The following SLC35F5 variants were observed in gnomAD, a reference collection of about 807,000 sequenced individuals.
SLC35F5 encodes solute carrier family 35 member F5, also known as HCV NS5A-transactivated protein 3.
In SLC35F5, 54 loss-of-function variants were observed where a neutral mutation model predicts 68.6. That is an observed-to-expected ratio of 0.79 (90% CI 0.63 to 0.99). The LOEUF (loss-of-function observed/expected upper bound fraction) is 0.99. SLC35F5 is among the 50% of genes least tolerant of loss of function. The probability of loss-of-function intolerance (pLI) is 0.00; values close to 1 mark genes in which losing one functional copy is unlikely to be tolerated. For missense variants in SLC35F5, 567 were observed against 626.9 expected (o/e 0.90, Z 1.02); for synonymous variants, 211 against 205.2 (o/e 1.03, Z -0.24).
At chr2:113,746,570 C>T (rs1676493557) in intron 4 of SLC35F5, among the ~76,000 whole-genome samples, 1 of 152,082 alleles carries the variant, frequency 6.6e-6, no homozygotes, top group African/African-American at 2.4e-5. Flanking sequence ...TCCTGACAGT[C>T]AGGATTAAAA....
intron 3 of SLC35F5, among the ~76,000 whole-genome samples, chr2:113,752,986 C>T (rs953210915): frequency 2.5e-4 from 38 of 151,756 alleles, no homozygotes; most frequent in Non-Finnish European, 2.9e-5. Context: ...TAAAATGCTC[C>T]AGGAAAAAAA....
chr2:113,729,343 C>A, intron 11 of SLC35F5, 58 bp downstream of exon 11: 4 of 904,572 alleles, frequency 4.4e-6, no homozygotes, highest in South Asian at 3.2e-5. Context: ...AAAACAAAAG[C>A]AAAACCCTGT....
In SLC35F5 at chr2:113,741,698, T is replaced by TC. The variant is rs201668517; in HGVS notation, c.750+993_750+994insG. Among the ~76,000 whole-genome samples the TC allele has an allele frequency of 5.0e-4, 46 of 91,954 alleles. 2 individuals are homozygous for TC. The highest frequency in any genetic ancestry group is 5.1e-4 in the Non-Finnish European group (23 of 45,080). The allele number at this position is 91,954 out of a possible 152,430, so 60.3% of individuals were successfully genotyped here. On this transcript the variant is annotated intron_variant, in intron 7 of 15. Coordinates refer to ENST00000245680, the MANE Select transcript of SLC35F5 (RefSeq NM_025181.5). ...CCTGGGCAACAAGAGCGAAACTCCATTAAAAAAAAAAAAAAAGATCGAAAT... is the reference window on the plus strand; with the variant it reads ...CCTGGGCAACAAGAGCGAAACTCCATCTAAAAAAAAAAAAAAAGATCGAAAT...
intron 13 of SLC35F5, chr2:113,719,687 C>T (rs1037678448): frequency 6.3e-6 from 1 of 158,966 alleles, no homozygotes; most frequent in Non-Finnish European, 1.4e-5. Flanking sequence ...GTGGGTCTCT[C>T]TCCCTCAGTT....
chr2:113,724,935 AAAC>A (rs1186334156), intron 12 of SLC35F5, among the ~76,000 whole-genome samples: 2 of 152,184 alleles, frequency 1.3e-5, no homozygotes. Flanking sequence ...AAAATAAATA[AAAC>A]AAAAACACCT....
At position 113,756,525 on chromosome 2, in the gene SLC35F5, G is replaced by T. The variant is rs913529099; in HGVS notation, c.-116C>A. On this transcript the variant is annotated 5_prime_UTR_variant, in exon 1 of 16. Transcript: ENST00000245680. The stretch of plus-strand genomic sequence containing the variant: ...CTGGAGGCCCAGCTCCTGAAGACGC[G>T]GTGCCCCTCAGGGAGAGGCTCCCGA... 1 of 1,497,576 alleles carries T rather than the reference G, an allele frequency of 6.7e-7. No individual in the cohort carries two copies. The highest frequency in any genetic ancestry group is 2.5e-5 in the East Asian group (1 of 40,294). 92.8% of individuals were successfully genotyped at this position (1,497,576 alleles called of 1,614,324 possible).
chr2:113,752,781 G>A (rs775453434), intron 3 of SLC35F5, among the ~76,000 whole-genome samples: 6 of 151,956 alleles, frequency 3.9e-5, no homozygotes, highest in Admixed American at 6.6e-5. Context: ...TGACACCACC[G>A]GAGAAAACTG....
In SLC35F5 at chr2:113,714,325, A is replaced by C. The variant is rs1193997111; in HGVS notation, c.*893T>G. 6.6e-6 allele frequency: 1 copy of C among 152,114 alleles called. No homozygotes were observed. Among genetic ancestry groups the C allele is most frequent in the Non-Finnish European group, 1.5e-5 (1 of 67,964 alleles). The allele number at this position is 152,114 out of a possible 1,614,324, so 9.4% of individuals were successfully genotyped here. A position where few individuals can be genotyped will look rare whatever the true frequency, so the allele number is the denominator to read the frequency against. Reference sequence around the variant, plus strand: ...CATTCATATGTGAAAAAAATTAGAAATCACTTGATACATCTACAATACACA... The same window carrying C: ...CATTCATATGTGAAAAAAATTAGAACTCACTTGATACATCTACAATACACA... On this transcript the variant is annotated 3_prime_UTR_variant, in exon 16 of 16. Transcript: ENST00000245680.
chr2:113,733,538 A>G (rs17683666), intron 9 of SLC35F5: 45,816 of 195,136 alleles, frequency 0.23, 5,972 homozygotes, highest in Middle Eastern at 0.49. Context: ...AACATTAGTA[A>G]ATCATGTAAA....
chr2:113,747,843 G>A (rs1263966591), intron 4 of SLC35F5, among the ~76,000 whole-genome samples: 2 of 152,230 alleles, frequency 1.3e-5, no homozygotes, highest in Non-Finnish European at 2.9e-5. Flanking sequence ...TGTAATCCCA[G>A]CACTCTGGGA....
rs1687515367 is a variant in SLC35F5 at position 113,723,138 on chromosome 2, G to A, written c.1307C>T (p.Pro436Leu). ...IGTLALSLTI[P>L]LSIIADMCMQ... ...ACACATGTCAGCTATTATGGACAGA[G>A]GTATTGTAAGGCTTAGTGCAAGTGT... Residue 436 changes from proline (P) to leucine (L), a missense_variant, in exon 13 of 16, where the codon CCT becomes CTT. Transcript: ENST00000245680. 1 of 1,589,762 alleles carries A rather than the reference G, an allele frequency of 6.3e-7. No individual in the cohort carries two copies. The highest frequency in any genetic ancestry group is 1.2e-5 in the South Asian group (1 of 84,826).
intron 11 of SLC35F5, among the ~76,000 whole-genome samples, chr2:113,727,544 A>G (rs1687711126): frequency 6.6e-6 from 1 of 152,156 alleles, no homozygotes; most frequent in South Asian, 2.1e-4. Context: ...TAGAGACAAA[A>G]GTCCCAATGA....
chr2:113,744,120 T>C (rs75747524), intron 5 of SLC35F5, among the ~76,000 whole-genome samples: 3,585 of 152,318 alleles, frequency 0.024, 69 homozygotes, highest in Middle Eastern at 0.044. Context: ...TCATTCCTTT[T>C]CATTCATTTA....
At chr2:113,717,483 C>T (rs976627253) in intron 15 of SLC35F5, 1 of 228,042 alleles carries the variant, frequency 4.4e-6, no homozygotes, top group Admixed American at 5.4e-5. Flanking sequence ...TTTATATTTA[C>T]CAAGTATTTA....
At chr2:113,737,106 C>CA in intron 7 of SLC35F5, among the ~76,000 whole-genome samples, 1 of 152,184 alleles carries the variant, frequency 6.6e-6, no homozygotes, top group Non-Finnish European at 1.5e-5. Flanking sequence ...CTGTTACTTA[C>CA]ACTGGTTGAC....
At chr2:113,716,028 C>T (rs1485175874) in intron 15 of SLC35F5, among the ~76,000 whole-genome samples, 2 of 152,138 alleles carry the variant, frequency 1.3e-5, no homozygotes, top group South Asian at 2.1e-4. Flanking sequence ...GTTATCCTCC[C>T]TCCTTGGCCT....
Position 113,710,516 on chromosome 2 carries a change from G to C in SLC35F5, c.*4702C>G, listed in dbSNP as rs1265456998. On this transcript the variant is annotated 3_prime_UTR_variant, in exon 16 of 16. Coordinates refer to ENST00000245680, the MANE Select transcript of SLC35F5 (RefSeq NM_025181.5). ...AGGCCAGGGCGGGCAGATTACTTGAGCTCAGGAGTTCAAGAGCAGCCTGGC... is the reference window on the plus strand; with the variant it reads ...AGGCCAGGGCGGGCAGATTACTTGACCTCAGGAGTTCAAGAGCAGCCTGGC... Among the ~76,000 whole-genome samples the C allele has an allele frequency of 2.6e-5, 4 of 152,148 alleles. No individual in the cohort carries two copies. The highest frequency in any genetic ancestry group is 9.7e-5 in the African/African-American group (4 of 41,426).
At chr2:113,704,765 C>T (rs1376136401), downstream of SLC35F5, among the ~76,000 whole-genome samples, 2 of 152,116 alleles carry the variant, frequency 1.3e-5, no homozygotes, top group African/African-American at 2.4e-5. Context: ...GCGCGCAGCC[C>T]CTGTTCCCGC....
rs1676701830 is a variant in SLC35F5 at position 113,750,707 on chromosome 2, A to G, written c.274-139T>C. ...AAAAAGTCAAAGCGATTACAAAAGTATTTTAGATCCATTTCTGAAGACTGT... is the reference window on the plus strand; with the variant it reads ...AAAAAGTCAAAGCGATTACAAAAGTGTTTTAGATCCATTTCTGAAGACTGT... On this transcript the variant is annotated intron_variant, in intron 3 of 15. Coordinates refer to ENST00000245680, the MANE Select transcript of SLC35F5 (RefSeq NM_025181.5). 1.4e-5 allele frequency: 10 copies of G among 696,912 alleles called. No homozygotes were observed. In the South Asian group the frequency reaches 3.1e-4, roughly 22 times the overall value. 43.2% of individuals were successfully genotyped at this position (696,912 alleles called of 1,614,324 possible). A position where few individuals can be genotyped will look rare whatever the true frequency, so the allele number is the denominator to read the frequency against.
Sources: allele counts gnomAD v4.1 joint callset (sites outside exome capture counted in the v4.1 genomes callset), GRCh38; gene constraint gnomAD v4.1.1; transcripts MANE v1.5; gene names NCBI Gene and HGNC (gene_info 2026-07-23, HGNC 2026-07-21).